WIPI2: variants seen among roughly 807,000 people sequenced by gnomAD.
WIPI2 encodes the protein WD repeat domain phosphoinositide-interacting protein 2.
Under a neutral mutation model 52.3 loss-of-function variants are expected in WIPI2, and 28 were observed. The ratio of observed to expected loss-of-function variants is 0.54; its 90% CI spans 0.40 to 0.73. WIPI2 has a LOEUF of 0.73. WIPI2 is among the 30% of genes least tolerant of loss of function. The probability of loss-of-function intolerance (pLI) is 0.00; values close to 1 mark genes in which losing one functional copy is unlikely to be tolerated. For synonymous variants in WIPI2, 268 were observed against 245.0 expected (o/e 1.09, Z -0.88); for missense variants, 506 against 602.9 (o/e 0.84, Z 1.68).
chr7:5,231,164 G>A lies in WIPI2; in HGVS notation c.*217G>A. The A allele has an allele frequency of 2.4e-6, 1 of 412,728 alleles. No individual in the cohort carries two copies. The highest frequency in any genetic ancestry group is 4.2e-6 in the Non-Finnish European group (1 of 235,498). 25.6% of individuals were successfully genotyped at this position (412,728 alleles called of 1,614,324 possible). On this transcript the variant is annotated 3_prime_UTR_variant, in exon 13 of 13. Transcript: ENST00000288828. ...TTTTAAATCCTGCTTATGAATTTTAGCTTTTTGTTTGTTTGTTTTCTCTTT... is the reference window on the plus strand; with the variant it reads ...TTTTAAATCCTGCTTATGAATTTTAACTTTTTGTTTGTTTGTTTTCTCTTT...
chr7:5,223,359 A>G (rs572474413), intron 8 of WIPI2, among the ~76,000 whole-genome samples: 1 of 152,298 alleles, frequency 6.6e-6, no homozygotes, highest in South Asian at 2.1e-4. Context: ...CCCTCCCTGA[A>G]GGTGGCTGTT....
chr7:5,191,311 C>T (rs1003450156), intron 1 of WIPI2, among the ~76,000 whole-genome samples: 7 of 152,158 alleles, frequency 4.6e-5, no homozygotes, highest in African/African-American at 1.7e-4. Context: ...TGTGAGCCAC[C>T]GTGCGCGGCC....
At chr7:5,217,372 CT>C in intron 6 of WIPI2, 185 bp downstream of exon 6, 2 of 626,536 alleles carry the variant, frequency 3.2e-6, no homozygotes, top group Non-Finnish European at 5.7e-6. Context: ...TGGTGCAGTC[CT>C]AGCTCACTGC....
intron 2 of WIPI2, among the ~76,000 whole-genome samples, chr7:5,197,390 T>C (rs1236990993): frequency 3.3e-5 from 5 of 152,164 alleles, no homozygotes; most frequent in Admixed American, 3.3e-4. Flanking sequence ...GTTGCTGAGA[T>C]TTTGTTTTAG....
chr7:5,212,542 A>T lies in WIPI2; in HGVS notation c.212-1993A>T, dbSNP rs532210142. The stretch of plus-strand genomic sequence containing the variant: ...GTCCTACCCTCCTTTTTGGGGCAGG[A>T]CTGGTATTACAGACAGGGTCTCGCT... On this transcript the variant is annotated intron_variant, in intron 3 of 12. Transcript: ENST00000288828. Among the ~76,000 whole-genome samples the T allele has an allele frequency of 2.0e-5, 3 of 152,104 alleles. No homozygotes were observed. In the East Asian group the frequency reaches 5.8e-4, roughly 29 times the overall value.
At chr7:5,225,077 A>G (rs1783357739) in intron 8 of WIPI2, among the ~76,000 whole-genome samples, 2 of 151,894 alleles carry the variant, frequency 1.3e-5, no homozygotes, top group South Asian at 4.2e-4. Flanking sequence ...TGGCTTTGGG[A>G]TGCCGATTGA....
chr7:5,222,967 G>C lies in WIPI2; in HGVS notation c.740+295G>C, dbSNP rs111695457. On this transcript the variant is annotated intron_variant, in intron 8 of 12. Coordinates refer to ENST00000288828, the MANE Select transcript of WIPI2 (RefSeq NM_015610.4). ...CCGGCAGCTCCCAGCCTGCTGTAAG[G>C]GACGGGGCGGCGACGTCATGGGTAG... 4.1e-4 allele frequency among the ~76,000 whole-genome samples: 63 copies of C among 152,328 alleles called. 1 individual carries two copies. Among genetic ancestry groups the C allele is most frequent in the Middle Eastern group, 3.4e-3 (1 of 294 alleles).
intron 4 of WIPI2, chr7:5,216,322 C>T (rs565458855): frequency 4.3e-5 from 14 of 327,416 alleles, no homozygotes; most frequent in African/African-American, 2.1e-4. Flanking sequence ...ATTCCAGCTA[C>T]TTGGGAGGCT....
At chr7:5,225,473 C>G (rs1336181130) in intron 8 of WIPI2, among the ~76,000 whole-genome samples, 1 of 152,094 alleles carries the variant, frequency 6.6e-6, no homozygotes, top group Non-Finnish European at 1.5e-5. Flanking sequence ...ACTGAGGTTG[C>G]CGATTTACCC....
rs146949194 is a variant in WIPI2 at position 5,205,130 on chromosome 7, C to T, written c.211+5472C>T. On this transcript the variant is annotated intron_variant, in intron 3 of 12. Transcript: ENST00000288828. ...AGCTGGGATTAGAGGCATGCACCAC[C>T]ACGCCCGGCTACATTTTGTATTTTT... 2.2e-3 allele frequency among the ~76,000 whole-genome samples: 335 copies of T among 152,270 alleles called. 3 individuals carry two copies. Among genetic ancestry groups the T allele is most frequent in the African/African-American group, 7.4e-3 (309 of 41,558 alleles).
chr7:5,211,230 G>T (rs994578877), intron 3 of WIPI2, among the ~76,000 whole-genome samples: 1 of 152,210 alleles, frequency 6.6e-6, no homozygotes, highest in African/African-American at 2.4e-5. Flanking sequence ...CAAGCACTTT[G>T]GGAGGCTGAG....
Position 5,213,656 on chromosome 7 carries a change from T to G in WIPI2, c.212-879T>G, listed in dbSNP as rs111887820. On this transcript the variant is annotated intron_variant, in intron 3 of 12. Coordinates refer to ENST00000288828, the MANE Select transcript of WIPI2 (RefSeq NM_015610.4). Reference sequence around the variant, plus strand: ...GCACGACACAATTGCCTACGGGGCTTTTCTTTGTTTTGTTGTTGTTGTTGT... The same window carrying G: ...GCACGACACAATTGCCTACGGGGCTGTTCTTTGTTTTGTTGTTGTTGTTGT... 5.5e-4 allele frequency among the ~76,000 whole-genome samples: 61 copies of G among 110,878 alleles called. 1 individual carries two copies. Among genetic ancestry groups the G allele is most frequent in the Middle Eastern group, 4.2e-3 (1 of 236 alleles). The allele number at this position is 110,878 out of a possible 152,430, so 72.7% of individuals were successfully genotyped here. A position where few individuals can be genotyped will look rare whatever the true frequency, so the allele number is the denominator to read the frequency against.
intron 3 of WIPI2, among the ~76,000 whole-genome samples, chr7:5,208,432 T>TA (rs1782397005): frequency 6.6e-6 from 1 of 151,500 alleles, no homozygotes; most frequent in African/African-American, 2.4e-5. Context: ...TTTTTTTTTT[T>TA]CCTTCCATTT....
intron 3 of WIPI2, among the ~76,000 whole-genome samples, chr7:5,213,553 G>A (rs961594386): frequency 2.0e-5 from 3 of 152,194 alleles, no homozygotes; most frequent in African/African-American, 7.2e-5. Context: ...CACACGCAGC[G>A]CAGGTCTGTA....
chr7:5,219,654 CACGGTAG>C (rs890704344), intron 7 of WIPI2, among the ~76,000 whole-genome samples: 47 of 152,314 alleles, frequency 3.1e-4, no homozygotes, highest in African/African-American at 1.1e-3. Flanking sequence ...ATTAGTATTG[CACGGTAG>C]ACGTGCGCCA....
chr7:5,205,942 A>G (rs13246209), intron 3 of WIPI2, among the ~76,000 whole-genome samples: 22,534 of 131,938 alleles, frequency 0.17, 1,796 homozygotes, highest in East Asian at 0.35. Flanking sequence ...TGGGTTATTT[A>G]TCTCCTAATG....
chr7:5,228,899 T>C (rs1286664627), intron 11 of WIPI2, among the ~76,000 whole-genome samples: 1 of 151,930 alleles, frequency 6.6e-6, no homozygotes, highest in African/African-American at 2.4e-5. Flanking sequence ...CTAATTACTT[T>C]CTTGTGCAGG....
At chr7:5,203,431 A>G (rs7802384) in intron 3 of WIPI2, among the ~76,000 whole-genome samples, 144,547 of 152,186 alleles carry the variant, frequency 0.95, 68,700 homozygotes, top group East Asian at 0.99. Flanking sequence ...ATCGTTGCCA[A>G]CTATAAACCA....
intron 8 of WIPI2, among the ~76,000 whole-genome samples, chr7:5,223,990 A>T (rs1783287668): frequency 6.6e-6 from 1 of 152,116 alleles, no homozygotes; most frequent in Non-Finnish European, 1.5e-5. Flanking sequence ...TCAGACTCTC[A>T]CCCAGGCTGT....
Sources: allele counts gnomAD v4.1 joint callset (sites outside exome capture counted in the v4.1 genomes callset), GRCh38; gene constraint gnomAD v4.1.1; transcripts MANE v1.5; gene names NCBI Gene and HGNC (gene_info 2026-07-23, HGNC 2026-07-21).